The following RIMS2 variants were observed in gnomAD, a reference collection of about 807,000 sequenced individuals.
The protein encoded by RIMS2 is regulating synaptic membrane exocytosis protein 2.
RIMS2 carries 59 observed loss-of-function variants against 174.4 expected under a neutral mutation model. The ratio of observed to expected loss-of-function variants is 0.34; its 90% CI spans 0.27 to 0.42. The LOEUF (loss-of-function observed/expected upper bound fraction) is 0.42. RIMS2 is among the 10% of genes least tolerant of loss of function. The probability of loss-of-function intolerance (pLI) is 1.00; values close to 1 mark genes in which losing one functional copy is unlikely to be tolerated. For missense variants in RIMS2, 1,620 were observed against 1,666.3 expected (o/e 0.97, Z 0.48); for synonymous variants, 606 against 572.5 (o/e 1.06, Z -0.84).
At chr8:103,900,413 A>G (rs1304983239) in intron 4 of RIMS2, among the ~76,000 whole-genome samples, 2 of 148,724 alleles carry the variant, frequency 1.3e-5, no homozygotes, top group Non-Finnish European at 2.9e-5. Context: ...TAGTAAAGAC[A>G]GGATTTCACT....
At chr8:104,152,384 C>T (rs901950339) in intron 19 of RIMS2, among the ~76,000 whole-genome samples, 1 of 152,150 alleles carries the variant, frequency 6.6e-6, no homozygotes, top group Non-Finnish European at 1.5e-5. Flanking sequence ...TTCAGATTAT[C>T]TCTCATTTTA....
chr8:104,024,663 A>G (rs1429164759), intron 19 of RIMS2, among the ~76,000 whole-genome samples: 2 of 152,194 alleles, frequency 1.3e-5, no homozygotes, highest in African/African-American at 4.8e-5. Flanking sequence ...TGAACAAGAT[A>G]TATTTCTTGC....
chr8:104,068,558 A>G (rs1174148437), intron 19 of RIMS2: 1 of 1,574,208 alleles, frequency 6.4e-7, no homozygotes, highest in African/African-American at 1.3e-5. Context: ...AAATTAACAA[A>G]TACAAACAGG....
chr8:104,052,447 A>G (rs574158386), intron 19 of RIMS2, among the ~76,000 whole-genome samples: 1 of 152,286 alleles, frequency 6.6e-6, no homozygotes, highest in African/African-American at 2.4e-5. Context: ...GCAGCTTCAG[A>G]ACTCAAAGTG....
intron 19 of RIMS2, among the ~76,000 whole-genome samples, chr8:104,073,436 CA>C (rs2097229812): frequency 6.6e-6 from 1 of 152,130 alleles, no homozygotes; most frequent in South Asian, 2.1e-4. Context: ...TATTGGAACT[CA>C]AAGCTTATTT....
At chr8:103,772,307 A>G (rs2098262636) in intron 3 of RIMS2, among the ~76,000 whole-genome samples, 1 of 151,972 alleles carries the variant, frequency 6.6e-6, no homozygotes, top group African/African-American at 2.4e-5. Context: ...GCTGTAGAAT[A>G]TAGTCAATGT....
chr8:103,805,896 A>T lies in RIMS2; in HGVS notation c.698+39359A>T, dbSNP rs117904957. ...AAAGCAGGATTAATAAATTTTAGTT[A>T]CATCTCTCAGAAATATTTATAATAT... On this transcript the variant is annotated intron_variant, in intron 3 of 23. Transcript: ENST00000504942. Among the ~76,000 whole-genome samples the T allele has an allele frequency of 9.1e-3, 1,378 of 152,230 alleles. 15 individuals carry two copies. Among genetic ancestry groups the T allele is most frequent in the Non-Finnish European group, 0.014 (956 of 67,990 alleles).
chr8:103,531,791 TAAGTGAAAAA>T (rs1837290948), intron 1 of RIMS2, among the ~76,000 whole-genome samples: 1 of 152,186 alleles, frequency 6.6e-6, no homozygotes, highest in Non-Finnish European at 1.5e-5. Flanking sequence ...TTGTGAAAAT[TAAGTGAAAAA>T]ACCAATGAAG....
At chr8:104,248,946 T>G in intron 21 of RIMS2, 133 bp downstream of exon 27, 1 of 578,004 alleles carries the variant, frequency 1.7e-6, no homozygotes, top group Non-Finnish European at 3.1e-6. Flanking sequence ...TTTTTTTTTT[T>G]AAGACAGAGT....
Position 103,806,159 on chromosome 8 carries a change from G to T in RIMS2, c.698+39622G>T, listed in dbSNP as rs574182300. On this transcript the variant is annotated intron_variant, in intron 3 of 23. Transcript: ENST00000504942. ...GTCATGAGGGTGGAAGGATTATGAA[G>T]ATTTGATTTGTGCTCTTGCAATATT... Among the ~76,000 whole-genome samples, 4 of 152,190 alleles carry T rather than the reference G, an allele frequency of 2.6e-5. No individual in the cohort carries two copies. In the South Asian group the frequency reaches 8.3e-4, roughly 32 times the overall value.
intron 1 of RIMS2, among the ~76,000 whole-genome samples, chr8:103,540,278 C>A (rs1841918614): frequency 2.0e-5 from 3 of 152,290 alleles, no homozygotes; most frequent in Middle Eastern, 6.8e-3. Flanking sequence ...TCACAACTTC[C>A]TCGGTGGGAG....
At chr8:104,057,591 A>ATTAT (rs1404982359) in intron 19 of RIMS2, among the ~76,000 whole-genome samples, 1 of 151,610 alleles carries the variant, frequency 6.6e-6, no homozygotes, top group Non-Finnish European at 1.5e-5. Flanking sequence ...ATTATACTTT[A>ATTAT]AGTTTTAGGG....
At chr8:103,526,562 T>A (rs1834072705) in intron 1 of RIMS2, among the ~76,000 whole-genome samples, 1 of 152,144 alleles carries the variant, frequency 6.6e-6, no homozygotes, top group African/African-American at 2.4e-5. Flanking sequence ...CTGTTTAGAC[T>A]AGCAAAATAT....
intron 2 of RIMS2, among the ~76,000 whole-genome samples, chr8:103,760,967 T>G (rs1205196115): frequency 6.6e-6 from 1 of 152,216 alleles, no homozygotes; most frequent in African/African-American, 2.4e-5. Context: ...TATGGCAAAT[T>G]ATAGCTTCAT....
intron 16 of RIMS2, among the ~76,000 whole-genome samples, chr8:103,979,544 G>C (rs62527133): frequency 0.012 from 1,799 of 152,268 alleles, 24 homozygotes; most frequent in Non-Finnish European, 0.02. Context: ...TGGGGAATAC[G>C]TGCACCATTC....
chr8:103,939,044 T>C (rs910443883), intron 13 of RIMS2, among the ~76,000 whole-genome samples: 1 of 152,140 alleles, frequency 6.6e-6, no homozygotes, highest in Non-Finnish European at 1.5e-5. Context: ...AGGTGCACAG[T>C]GCAAGCTGTA....
chr8:103,926,536 C>G (rs1044299323), intron 10 of RIMS2, among the ~76,000 whole-genome samples: 2 of 151,492 alleles, frequency 1.3e-5, no homozygotes, highest in African/African-American at 4.8e-5. Context: ...AGTCTGCTTT[C>G]CTTTGGGTTT....
intron 3 of RIMS2, among the ~76,000 whole-genome samples, chr8:103,842,871 A>G (rs2098948356): frequency 6.6e-6 from 1 of 152,236 alleles, no homozygotes; most frequent in African/African-American, 2.4e-5. Flanking sequence ...GTCCAAGATC[A>G]ACGTGTCAGG....
intron 19 of RIMS2, among the ~76,000 whole-genome samples, chr8:104,130,141 T>C (rs764575972): frequency 8.5e-5 from 13 of 152,276 alleles, no homozygotes; most frequent in Non-Finnish European, 1.2e-4. Context: ...TGAGGTAACA[T>C]AGACAAAATA....
Sources: allele counts gnomAD v4.1 joint callset (sites outside exome capture counted in the v4.1 genomes callset), GRCh38; gene constraint gnomAD v4.1.1; transcripts MANE v1.5; gene names NCBI Gene and HGNC (gene_info 2026-07-23, HGNC 2026-07-21).